Variants in THOC1 observed in about 807,000 individuals in gnomAD.
The protein encoded by THOC1 is THO complex subunit 1.
THOC1 carries 29 observed loss-of-function variants against 97.3 expected under a neutral mutation model. The ratio of observed to expected loss-of-function variants is 0.30; its 90% CI spans 0.22 to 0.41. The LOEUF is 0.41. Among genes scored for constraint, THOC1 ranks in the 10% least tolerant of loss-of-function variants. The pLI, the probability that THOC1 is intolerant of heterozygous loss-of-function variation, is 1.00. For missense variants in THOC1, 529 were observed against 761.9 expected (o/e 0.69, Z 3.60); for synonymous variants, 255 against 257.0 (o/e 0.99, Z 0.07).
rs755027192 is a variant in THOC1 at position 225,354 on chromosome 18, T to C, written c.1069A>G (p.Thr357Ala). 1 of 1,613,614 alleles carries C rather than the reference T, an allele frequency of 6.2e-7. No homozygotes were observed. Among genetic ancestry groups the C allele is most frequent in the South Asian group, 1.1e-5 (1 of 91,056 alleles). Residue 357 changes from threonine (T) to alanine (A), a missense_variant, in exon 13 of 21, where the codon ACA (threonine) becomes GCA (alanine). Thr to Ala is a moderately conservative substitution (Grantham distance 58). Around this residue, in one of 8 missense-constraint regions of THOC1, gnomAD observed 123 missense variants for 159.0 expected, o/e 0.77. Transcript: ENST00000261600. ...GAACTTACTTGATAAACTGATTTTG[T>C]AGTATCTTCAATCCAAAGTGATTGC... ...DEQSLWIEDTTKSVYQLLSEN... is the reference protein window; with the variant it reads ...DEQSLWIEDTAKSVYQLLSEN...
chr18:267,956 T>A lies in THOC1; in HGVS notation c.54+10A>T. 1 of 1,611,358 alleles carries A rather than the reference T, an allele frequency of 6.2e-7. No individual in the cohort carries two copies. Among genetic ancestry groups the A allele is most frequent in the Non-Finnish European group, 8.5e-7 (1 of 1,178,944 alleles). On this transcript the variant is annotated intron_variant, in intron 1 of 20. Coordinates refer to ENST00000261600, the MANE Select transcript of THOC1 (RefSeq NM_005131.3). The stretch of plus-strand genomic sequence containing the variant: ...CGGGTCAGGCCTGCACCCTCCCCTC[T>A]ACAGCTCACCGTAAACCGCGTCCGC...
chr18:230,196 G>T (rs1351213811), intron 11 of THOC1, among the ~76,000 whole-genome samples: 1 of 152,096 alleles, frequency 6.6e-6, no homozygotes, highest in Non-Finnish European at 1.5e-5. Context: ...AGCAACTCTA[G>T]GAAGGCTTCC....
At chr18:231,108 A>C (rs530453093) in intron 11 of THOC1, among the ~76,000 whole-genome samples, 2 of 152,134 alleles carry the variant, frequency 1.3e-5, no homozygotes, top group African/African-American at 4.8e-5. Flanking sequence ...TATTATCCTT[A>C]GCTGTATGTA....
chr18:245,154 T>G (rs1343127979), intron 11 of THOC1: 1 of 152,150 alleles, frequency 6.6e-6, no homozygotes, highest in Non-Finnish European at 1.5e-5. Flanking sequence ...AGGCTATATA[T>G]TTCATCTGGA....
intron 17 of THOC1, among the ~76,000 whole-genome samples, chr18:219,707 T>C (rs1567842102): frequency 6.6e-6 from 1 of 152,146 alleles, no homozygotes; most frequent in African/African-American, 2.4e-5. Flanking sequence ...CACTATAATA[T>C]ATAAATATGT....
intron 1 of THOC1, among the ~76,000 whole-genome samples, chr18:266,796 C>A (rs1912783899): frequency 6.6e-6 from 1 of 152,146 alleles, no homozygotes. Flanking sequence ...CTCGGCCTCC[C>A]GAAGTACTGC....
Position 224,996 on chromosome 18 carries a change from TG to T in THOC1, c.1138-3del. The stretch of plus-strand genomic sequence containing the variant: ...GTTTTCTTCAGTGTTTAATATATGC[TG>T]GGAAAAACAAAGCGATTACATTTTG... On this transcript the variant is annotated splice_region_variant and splice_polypyrimidine_tract_variant and intron_variant, in intron 14 of 20. Transcript: ENST00000261600. 6.4e-7 allele frequency: 1 copy of T among 1,570,522 alleles called. No homozygotes were observed. The highest frequency in any genetic ancestry group is 1.9e-5 in the Admixed American group (1 of 53,114).
Position 265,336 on chromosome 18 carries a change from G to T in THOC1, c.156C>A (p.Asp52Glu). 6.2e-7 allele frequency: 1 copy of T among 1,605,398 alleles called. No homozygotes were observed. Among genetic ancestry groups the T allele is most frequent in the Non-Finnish European group, 8.5e-7 (1 of 1,177,280 alleles). The change falls in exon 3 of 21, where the codon GAC (aspartate) becomes GAA (glutamate). Residue 52 changes from aspartate (D) to glutamate (E), a missense_variant. By Grantham distance (45) the Asp-to-Glu change is conservative (BLOSUM62 2). Around this residue, in one of 8 missense-constraint regions of THOC1, gnomAD observed 114 missense variants for 97.4 expected, o/e 1.17. Coordinates refer to ENST00000261600, the MANE Select transcript of THOC1 (RefSeq NM_005131.3). ...GSENEKKCTL[D>E]QAFRGILEEE... is the part of the protein sequence containing the mutation. ...CTTCTAGAATACCTCTGAAAGCTTG[G>T]TCAAGGGTACATTTTTTTTCATTTT...
intron 11 of THOC1, among the ~76,000 whole-genome samples, chr18:243,027 G>A (rs1037851960): frequency 6.6e-6 from 1 of 152,114 alleles, no homozygotes; most frequent in South Asian, 2.1e-4. Context: ...TGTACAAAGA[G>A]GACTGTAAAT....
At position 264,005 on chromosome 18, in the gene THOC1, AC is replaced by A. The variant is rs1197024107; in HGVS notation, c.256+20del. On this transcript the variant is annotated intron_variant, in intron 4 of 20. Coordinates refer to ENST00000261600, the MANE Select transcript of THOC1 (RefSeq NM_005131.3). ...CATGTCCAAGATTACTTTAAACAAA[AC>A]AAAACGGAACCATACTTACCTTCAG... is the stretch of plus-strand genomic sequence containing the variant. The A allele has an allele frequency of 1.3e-6, 2 of 1,590,652 alleles. No homozygotes were observed. Among genetic ancestry groups the A allele is most frequent in the Admixed American group, 1.7e-5 (1 of 58,892 alleles).
chr18:267,081 T>G (rs577892412), intron 1 of THOC1, among the ~76,000 whole-genome samples: 1 of 152,032 alleles, frequency 6.6e-6, no homozygotes, highest in East Asian at 1.9e-4. Context: ...GATGAATTTT[T>G]CTTTCACACA....
intron 20 of THOC1, 100 bp from the exon 21 acceptor site, chr18:215,021 C>T: frequency 9.5e-7 from 1 of 1,048,514 alleles, no homozygotes; most frequent in Middle Eastern, 2.3e-4. Flanking sequence ...CTTTAGTAGA[C>T]TTTATTTTAA....
chr18:255,333 CA>C (rs371593663), intron 7 of THOC1, among the ~76,000 whole-genome samples: 18 of 152,300 alleles, frequency 1.2e-4, no homozygotes, highest in African/African-American at 3.6e-4. Flanking sequence ...GTTGTGAATG[CA>C]AAGATAAAGT....
intron 7 of THOC1, among the ~76,000 whole-genome samples, chr18:256,996 G>C (rs1912457481): frequency 6.6e-6 from 1 of 152,136 alleles, no homozygotes; most frequent in African/African-American, 2.4e-5. Flanking sequence ...AGGCTTTGGT[G>C]GTCATTACCA....
chr18:257,251 A>C (rs1318400553), intron 7 of THOC1, among the ~76,000 whole-genome samples: 1 of 152,224 alleles, frequency 6.6e-6, no homozygotes, highest in African/African-American at 2.4e-5. Flanking sequence ...ATTATTCATG[A>C]CTATTCCAGA....
chr18:237,310 C>T (rs908075429), intron 11 of THOC1, among the ~76,000 whole-genome samples: 9 of 152,156 alleles, frequency 5.9e-5, no homozygotes, highest in Non-Finnish European at 1.2e-4. Flanking sequence ...GTGCGCACTA[C>T]CACACCCAGC....
intron 9 of THOC1, among the ~76,000 whole-genome samples, chr18:251,103 T>C (rs1011876453): frequency 1.3e-5 from 2 of 152,246 alleles, no homozygotes; most frequent in African/African-American, 2.4e-5. Context: ...AGTGCCTTAA[T>C]AGACTATTTC....
intron 14 of THOC1, 38 bp from the exon 15 acceptor site, chr18:225,032 ATCCTC>A: frequency 6.4e-7 from 1 of 1,564,964 alleles, no homozygotes; most frequent in Admixed American, 1.9e-5. Flanking sequence ...GGTTAGTGGA[ATCCTC>A]TGAAGTTCTA....
intron 11 of THOC1, among the ~76,000 whole-genome samples, chr18:229,496 A>G (rs1598292800): frequency 6.7e-6 from 1 of 148,964 alleles, no homozygotes; most frequent in Admixed American, 6.8e-5. Context: ...CCTGGCCAAC[A>G]TGGTGAAACC....
Sources: allele counts gnomAD v4.1 joint callset (sites outside exome capture counted in the v4.1 genomes callset), GRCh38; gene constraint gnomAD v4.1.1; regional missense constraint gnomAD v4.1.1; transcripts MANE v1.5; gene names NCBI Gene and HGNC (gene_info 2026-07-23, HGNC 2026-07-21).